Variants in PSMD1 observed in about 807,000 individuals in gnomAD.
The protein encoded by PSMD1 is 26S proteasome non-ATPase regulatory subunit 1.
PSMD1 carries 18 observed loss-of-function variants against 119.0 expected under a neutral mutation model. The ratio of observed to expected loss-of-function variants is 0.15; its 90% confidence interval spans 0.10 to 0.22. PSMD1 has a LOEUF of 0.22. Ranked by LOEUF, PSMD1 falls within the 10% of genes least tolerant of loss-of-function variation. The probability of loss-of-function intolerance (pLI) is 1.00; values close to 1 mark genes in which losing one functional copy is unlikely to be tolerated. For missense variants in PSMD1, 702 were observed against 1,158.5 expected (o/e 0.61, Z 5.72); for synonymous variants, 374 against 396.6 (o/e 0.94, Z 0.68).
chr2:231,124,849 G>A (rs1403173417), intron 16 of PSMD1: 4 of 151,650 alleles, frequency 2.6e-5, no homozygotes, highest in Admixed American at 1.3e-4. Context: ...TTTAGCATTA[G>A]TAAATTTTTC....
chr2:231,068,014 A>G (rs1210682553), intron 5 of PSMD1, among the ~76,000 whole-genome samples: 2 of 152,056 alleles, frequency 1.3e-5, no homozygotes, highest in Admixed American at 6.6e-5. Context: ...TAGCTCAACT[A>G]TCCCTTGTTT....
intron 16 of PSMD1, among the ~76,000 whole-genome samples, chr2:231,101,231 A>G (rs1322944937): frequency 6.6e-6 from 1 of 152,226 alleles, no homozygotes; most frequent in Non-Finnish European, 1.5e-5. Flanking sequence ...TGGAGACAGG[A>G]ATAAACAAAT....
chr2:231,126,157 C>G (rs1030020388), intron 16 of PSMD1, among the ~76,000 whole-genome samples: 1 of 152,144 alleles, frequency 6.6e-6, no homozygotes, highest in South Asian at 2.1e-4. Flanking sequence ...AATTCCAGCA[C>G]TTTGGTAGAC....
chr2:231,103,858 CA>C (rs555819736), intron 16 of PSMD1, among the ~76,000 whole-genome samples: 1 of 152,106 alleles, frequency 6.6e-6, no homozygotes, highest in Non-Finnish European at 1.5e-5. Flanking sequence ...GTTATCTTAG[CA>C]TATCATGTAG....
intron 3 of PSMD1, 36 bp downstream of exon 3, chr2:231,062,357 A>T (rs1407537509): frequency 6.5e-7 from 1 of 1,546,032 alleles, no homozygotes; most frequent in Non-Finnish European, 8.9e-7. Context: ...AATAAGATGG[A>T]TCAAATTTAA....
intron 15 of PSMD1, 131 bp from the exon 16 acceptor site, chr2:231,086,986 C>A: frequency 1.6e-6 from 1 of 620,638 alleles, no homozygotes. Flanking sequence ...TAGAGGTGTG[C>A]AACATAATGT....
At chr2:231,127,796 T>C (rs1032067834) in intron 16 of PSMD1, among the ~76,000 whole-genome samples, 9 of 152,208 alleles carry the variant, frequency 5.9e-5, no homozygotes, top group Non-Finnish European at 1.3e-4. Context: ...TAATAAGAAA[T>C]ATAAAAGTAT....
At position 231,131,534 on chromosome 2, in the gene PSMD1, G is replaced by A. The variant is rs559011787; in HGVS notation, c.1884-7202G>A. ...TCCCAGCACTTTGGGAGGCCGAGGC[G>A]GGCGGATCACGAGGTCAGGAGATCG... On this transcript the variant is annotated intron_variant, in intron 16 of 24. Transcript: ENST00000308696. Among the ~76,000 whole-genome samples the A allele has an allele frequency of 1.5e-4, 7 of 46,630 alleles. 3 individuals are homozygous for A. In the South Asian group the frequency reaches 4.6e-3, roughly 30 times the overall value. The allele number at this position is 46,630 out of a possible 152,430, so 30.6% of individuals were successfully genotyped here.
intron 16 of PSMD1, among the ~76,000 whole-genome samples, chr2:231,088,234 G>A (rs2125178997): frequency 6.6e-6 from 1 of 152,254 alleles, no homozygotes; most frequent in Admixed American, 6.5e-5. Context: ...TTGTAGTTGT[G>A]GAGTTGGTGG....
intron 6 of PSMD1, 91 bp downstream of exon 6, chr2:231,070,259 T>TA (rs1694011567): frequency 1.9e-6 from 2 of 1,063,780 alleles, no homozygotes; most frequent in African/African-American, 3.3e-5. Flanking sequence ...TATATTACTA[T>TA]AATGGCTTTA....
In PSMD1 at chr2:231,077,035, G is replaced by C. The variant is rs778702914; in HGVS notation, c.944G>C (p.Ser315Thr). ...TTTTTTTTTTGTTTGTTTTGGCAGA[G>C]TCCAGAGCCTAAGGACCAGACTTTG... ...SAFVGKTPEA[S>T]PEPKDQTLKM... The change falls in exon 9 of 25, where the codon AGT becomes ACT. Residue 315 changes from serine to threonine, a missense_variant and splice_region_variant. Physicochemically the swap from Ser to Thr is moderately conservative, Grantham distance 58. Coordinates refer to ENST00000308696, the MANE Select transcript of PSMD1 (RefSeq NM_002807.4). The C allele has an allele frequency of 2.5e-6, 4 of 1,592,256 alleles. No homozygotes were observed. The African/African-American group carries it at 5.5e-5, about 22-fold the overall frequency.
In PSMD1 at chr2:231,080,327, A is replaced by G; in HGVS notation, c.1413+13A>G. The G allele has an allele frequency of 6.5e-7, 1 of 1,543,016 alleles. No individual in the cohort carries two copies. The highest frequency in any genetic ancestry group is 8.8e-7 in the Non-Finnish European group (1 of 1,137,164). ...CGCCAGCAATGATGTAAGTATTAAA[A>G]TGGAAAACTAAATTTCCAAAACTCA... On this transcript the variant is annotated intron_variant, in intron 12 of 24. Coordinates refer to ENST00000308696, the MANE Select transcript of PSMD1 (RefSeq NM_002807.4).
chr2:231,128,349 C>T (rs1420766647), intron 16 of PSMD1, among the ~76,000 whole-genome samples: 1 of 152,202 alleles, frequency 6.6e-6, no homozygotes, highest in Non-Finnish European at 1.5e-5. Context: ...TAGCTCACTT[C>T]AACAGGACCT....
intron 19 of PSMD1, among the ~76,000 whole-genome samples, chr2:231,158,393 T>A (rs1205356892): frequency 6.6e-6 from 1 of 152,202 alleles, no homozygotes; most frequent in Non-Finnish European, 1.5e-5. Context: ...TTGAAGTTTA[T>A]GAGAACTCAC....
intron 16 of PSMD1, among the ~76,000 whole-genome samples, chr2:231,137,010 T>C (rs953387497): frequency 4.1e-5 from 6 of 145,062 alleles, no homozygotes; most frequent in African/African-American, 1.5e-4. Context: ...ATAATATATA[T>C]TGTGTTATAT....
Position 231,146,302 on chromosome 2 carries a change from A to C in PSMD1, c.2061A>C (p.Ala687=). 6.2e-7 allele frequency: 1 copy of C among 1,613,972 alleles called. No homozygotes were observed. The highest frequency in any genetic ancestry group is 8.5e-7 in the Non-Finnish European group (1 of 1,179,898). ...CCGTGAACTACGTGAGGCAAGGGGC[A>C]CTCATAGCTTCAGCTCTCATCATGA... ...NDPVNYVRQG[A]LIASALIMIQ... The change falls in exon 18 of 25, where the codon GCA becomes GCC. Residue 687 remains alanine, a synonymous_variant. Coordinates refer to ENST00000308696, the MANE Select transcript of PSMD1 (RefSeq NM_002807.4).
intron 1 of PSMD1, among the ~76,000 whole-genome samples, chr2:231,060,151 T>C (rs1229418672): frequency 3.3e-5 from 5 of 152,224 alleles, no homozygotes; most frequent in Admixed American, 3.3e-4. Context: ...TTTTCACTGA[T>C]TGAATTTTGA....
At chr2:231,127,341 C>A (rs1695749948) in intron 16 of PSMD1, among the ~76,000 whole-genome samples, 1 of 150,966 alleles carries the variant, frequency 6.6e-6, no homozygotes, top group South Asian at 2.1e-4. Flanking sequence ...AGACTTGTAC[C>A]TTTTTTTGTG....
chr2:231,087,629 T>TG (rs1215276937), intron 16 of PSMD1, among the ~76,000 whole-genome samples: 1 of 152,194 alleles, frequency 6.6e-6, no homozygotes, highest in Non-Finnish European at 1.5e-5. Context: ...CTTATAGTCA[T>TG]GGAGATGTCC....
Sources: allele counts gnomAD v4.1 joint callset (sites outside exome capture counted in the v4.1 genomes callset), GRCh38; gene constraint gnomAD v4.1.1; transcripts MANE v1.5; gene names NCBI Gene and HGNC (gene_info 2026-07-23, HGNC 2026-07-21).